The following GJA9 variants were observed in gnomAD, a reference collection of about 807,000 sequenced individuals.
The protein encoded by GJA9 is gap junction alpha-9 protein.
In GJA9, 1 loss-of-function variant was observed where a neutral mutation model predicts 0.4. That is an observed-to-expected ratio of 2.50 (90% CI 0.89 to 11.88). The LOEUF (loss-of-function observed/expected upper bound fraction) is 11.88. GJA9 is among the 30% of genes most tolerant of loss of function. GJA9 has a pLI of 0.12. For missense variants in GJA9, 550 were observed against 602.8 expected (o/e 0.91, Z 0.92); for synonymous variants, 190 against 219.1 (o/e 0.87, Z 1.17).
chr1:38,874,470 C>T lies in GJA9; in HGVS notation c.*81G>A. 1 of 1,053,224 alleles carries T rather than the reference C, an allele frequency of 9.5e-7. No individual in the cohort carries two copies. 65.2% of individuals were successfully genotyped at this position (1,053,224 alleles called of 1,614,324 possible). Reference sequence around the variant, plus strand: ...CTTAACAGCTGGTCTTTAGAGCTGCCCCTATCTATTTTTTCTGTGCCCCAC... The same window carrying T: ...CTTAACAGCTGGTCTTTAGAGCTGCTCCTATCTATTTTTTCTGTGCCCCAC... On this transcript the variant is annotated 3_prime_UTR_variant, in exon 2 of 2. Transcript: ENST00000357771.
intron 1 of GJA9, among the ~76,000 whole-genome samples, chr1:38,880,049 C>G (rs1642663311): frequency 6.6e-6 from 1 of 150,988 alleles, no homozygotes; most frequent in Non-Finnish European, 1.5e-5. Flanking sequence ...CATCAACCTT[C>G]TAAAATATAG....
chr1:38,880,829 AAATAAT>A (rs1464295029), intron 1 of GJA9, among the ~76,000 whole-genome samples: 2 of 152,178 alleles, frequency 1.3e-5, no homozygotes. Context: ...TATGGTTCAT[AAATAAT>A]AATAATGTAA....
In GJA9 at chr1:38,875,545, G is replaced by A. The variant is rs144059875; in HGVS notation, c.554C>T (p.Pro185Leu). 3.1e-6 allele frequency: 5 copies of A among 1,614,110 alleles called. No homozygotes were observed. The highest frequency in any genetic ancestry group is 2.2e-5 in the East Asian group (1 of 44,888). Reference protein sequence around the residue: ...QYLLYGFHLEPLFKCHGHPCP... With the variant: ...QYLLYGFHLELLFKCHGHPCP... Reference sequence around the variant, plus strand: ...CGGGTGGCCATGGCACTTAAATAGCGGCTCTAAGTGAAATCCATATAAAAG... The same window carrying A: ...CGGGTGGCCATGGCACTTAAATAGCAGCTCTAAGTGAAATCCATATAAAAG... The change falls in exon 2 of 2, where the codon CCG (proline) becomes CTG (leucine). Residue 185 changes from proline to leucine, a missense_variant. By Grantham distance (98) the Pro-to-Leu change is moderately conservative. Coordinates refer to ENST00000357771, the MANE Select transcript of GJA9 (RefSeq NM_030772.5).
intron 1 of GJA9, among the ~76,000 whole-genome samples, chr1:38,878,041 AC>A (rs1305150616): frequency 6.6e-6 from 1 of 151,906 alleles, no homozygotes; most frequent in Non-Finnish European, 1.5e-5. Context: ...TGTATAAAGT[AC>A]TTATTATACT....
Position 38,875,620 on chromosome 1 carries a change from T to C in GJA9, c.479A>G (p.His160Arg). The C allele has an allele frequency of 6.2e-7, 1 of 1,614,206 alleles. No homozygotes were observed. The highest frequency in any genetic ancestry group is 1.1e-5 in the South Asian group (1 of 91,086). The change falls in exon 2 of 2, where the codon CAC (histidine) becomes CGC (arginine). Residue 160 changes from histidine (H) to arginine (R), a missense_variant. Physicochemically the swap from His to Arg is conservative, Grantham distance 29 (BLOSUM62 0). Transcript: ENST00000357771. ...RGTLLCTYVI[H>R]IFTRSVVEVG... Reference sequence around the variant, plus strand: ...TTCAACCACAGAGCGAGTGAAAATGTGTATCACATAAGTGCAAAGCAAGGT... The same window carrying C: ...TTCAACCACAGAGCGAGTGAAAATGCGTATCACATAAGTGCAAAGCAAGGT...
intron 1 of GJA9, among the ~76,000 whole-genome samples, chr1:38,881,116 C>T (rs573301548): frequency 3.3e-5 from 5 of 152,068 alleles, no homozygotes; most frequent in Admixed American, 6.6e-5. Flanking sequence ...AAAATATTAA[C>T]GGTGATTAGC....
At position 38,876,066 on chromosome 1, in the gene GJA9, C is replaced by A. The variant is rs373082020; in HGVS notation, c.33G>T (p.Leu11=). ...TGGTGGAGTGGATGTGAACTTCCTCCAGAGTATCTCCAAGGAGATTCCAGT... is the reference window on the plus strand; with the variant it reads ...TGGTGGAGTGGATGTGAACTTCCTCAAGAGTATCTCCAAGGAGATTCCAGT... The part of the protein sequence containing the change: MGDWNLLGDT[L]EEVHIHSTMI... The change falls in exon 2 of 2, where the codon CTG becomes CTT. Residue 11 remains leucine, a synonymous_variant. Coordinates refer to ENST00000357771, the MANE Select transcript of GJA9 (RefSeq NM_030772.5). The A allele has an allele frequency of 5.8e-5, 94 of 1,614,020 alleles. No homozygotes were observed. The highest frequency in any genetic ancestry group is 1.7e-4 in the Middle Eastern group (1 of 6,060).
chr1:38,880,106 A>G (rs114498668), intron 1 of GJA9, among the ~76,000 whole-genome samples: 2,105 of 151,414 alleles, frequency 0.014, 44 homozygotes, highest in African/African-American at 0.047. Flanking sequence ...TATTATGTTA[A>G]TAATAGCATA....
intron 1 of GJA9, among the ~76,000 whole-genome samples, chr1:38,878,294 G>A (rs530091614): frequency 3.4e-4 from 52 of 151,600 alleles, no homozygotes; most frequent in Middle Eastern, 3.4e-3. Flanking sequence ...GGCCAGGCTG[G>A]TCTTGAACTC....
At position 38,875,206 on chromosome 1, in the gene GJA9, G is replaced by C; in HGVS notation, c.893C>G (p.Pro298Arg). 1 of 1,614,152 alleles carries C rather than the reference G, an allele frequency of 6.2e-7. No individual in the cohort carries two copies. Among genetic ancestry groups the C allele is most frequent in the Middle Eastern group, 1.6e-4 (1 of 6,062 alleles). The change falls in exon 2 of 2, where the codon CCT (proline) becomes CGT (arginine). Residue 298 changes from proline (P) to arginine (R), a missense_variant. Physicochemically the swap from Pro to Arg is moderately radical, Grantham distance 103. Coordinates refer to ENST00000357771, the MANE Select transcript of GJA9 (RefSeq NM_030772.5). ...VEKQTHTAVY[P>R]SLNSSSVFQP... ...GAATACAGAAGATGAATTTAAACTA[G>C]GGTACACTGCAGTGTGTGTTTGCTT...
chr1:38,877,859 T>TGCTTACTGATTG (rs1213624113), intron 1 of GJA9, among the ~76,000 whole-genome samples: 1 of 152,182 alleles, frequency 6.6e-6, no homozygotes, highest in Non-Finnish European at 1.5e-5. Context: ...CTTCATTTGA[T>TGCTTACTGATTG]AATTCAGTAA....
chr1:38,881,174 A>G (rs1443153406), intron 1 of GJA9, among the ~76,000 whole-genome samples: 2 of 152,176 alleles, frequency 1.3e-5, no homozygotes, highest in East Asian at 3.8e-4. Flanking sequence ...TTGTAATTAC[A>G]TGTATTTTAA....
In GJA9 at chr1:38,874,894, C is replaced by T. The variant is rs1485474776; in HGVS notation, c.1205G>A (p.Arg402Lys). ...GGAGAAAACTGTTTGGGGTGACTGC[C>T]TCATGTTGTTCTCTCCATCTATAGC... is the stretch of plus-strand genomic sequence containing the variant. ...GVAIDGENNM[R>K]QSPQTVFSLP... Residue 402 changes from arginine to lysine, a missense_variant, in exon 2 of 2, where the codon AGG becomes AAG. Transcript: ENST00000357771. 2 of 1,614,084 alleles carry T rather than the reference C, an allele frequency of 1.2e-6. No individual in the cohort carries two copies. The highest frequency in any genetic ancestry group is 2.2e-5 in the East Asian group (1 of 44,906).
At chr1:38,880,914 A>T (rs1642687286) in intron 1 of GJA9, among the ~76,000 whole-genome samples, 2 of 152,192 alleles carry the variant, frequency 1.3e-5, no homozygotes, top group African/African-American at 4.8e-5. Flanking sequence ...TACAAGAAAA[A>T]CTGGTTAAAT....
In GJA9 at chr1:38,875,906, A is replaced by G; in HGVS notation, c.193T>C (p.Cys65Arg). ...NTEQPGCRNV[C>R]YDQAFPISLI... ...GAGATAGGAAAGGCCTGGTCGTAGC[A>G]TACATTTCTGCAGCCTGGTTGTTCT... The change falls in exon 2 of 2, where the codon TGC becomes CGC. Residue 65 changes from cysteine to arginine, a missense_variant. Transcript: ENST00000357771. 2.5e-6 allele frequency: 4 copies of G among 1,614,242 alleles called. No homozygotes were observed. Among genetic ancestry groups the G allele is most frequent in the Non-Finnish European group, 2.5e-6 (3 of 1,180,042 alleles).
chr1:38,879,608 C>T (rs1642654098), intron 1 of GJA9, among the ~76,000 whole-genome samples: 1 of 152,210 alleles, frequency 6.6e-6, no homozygotes, highest in African/African-American at 2.4e-5. Flanking sequence ...AAGAGATTAT[C>T]TGTTTTCTCT....
chr1:38,876,908 G>T (rs113241075), intron 1 of GJA9, among the ~76,000 whole-genome samples: 10,978 of 151,952 alleles, frequency 0.072, 430 homozygotes, highest in African/African-American at 0.09. Flanking sequence ...CAAGAGAATC[G>T]CTTGAACCTG....
At chr1:38,877,659 G>C (rs1436360297) in intron 1 of GJA9, among the ~76,000 whole-genome samples, 1 of 151,850 alleles carries the variant, frequency 6.6e-6, no homozygotes, top group Admixed American at 6.6e-5. Flanking sequence ...AACACCCCCC[G>C]GGATAATTTT....
chr1:38,881,001 C>A (rs183620807), intron 1 of GJA9, among the ~76,000 whole-genome samples: 1 of 152,156 alleles, frequency 6.6e-6, no homozygotes, highest in African/African-American at 2.4e-5. Context: ...TTTGATATTT[C>A]ATTTCAGTGA....
Sources: gnomAD v4.1 joint callset for allele counts (sites outside exome capture counted in the v4.1 genomes callset) on GRCh38, gnomAD v4.1.1 for gene constraint, MANE v1.5 for transcripts, NCBI Gene and HGNC (gene_info 2026-07-23, HGNC 2026-07-21) for gene names.